Variants in CSMD1 observed in about 807,000 individuals in gnomAD.
CSMD1 encodes CUB and Sushi multiple domains 1, also known as CUB and sushi domain-containing protein 1.
CSMD1 carries 213 observed loss-of-function variants against 417.5 expected under a neutral mutation model. That is an observed-to-expected ratio of 0.51 (90% CI 0.46 to 0.57). The LOEUF is 0.57. Ranked by LOEUF, CSMD1 falls within the 20% of genes least tolerant of loss-of-function variation. CSMD1 has a pLI of 0.00. For missense variants in CSMD1, 6,923 were observed against 4,529.7 expected (o/e 1.53, Z -15.17); for synonymous variants, 2,862 against 1,736.8 (o/e 1.65, Z -16.11).
rs546225367 is a variant in CSMD1 at position 3,644,713 on chromosome 8, T to C, written c.1010-27916A>G. ...GCCAGTGAATGAGTTACAGGGTTTATTTGTGGGGCCTGTCAGGGGGGTGCA... is the reference window on the plus strand; with the variant it reads ...GCCAGTGAATGAGTTACAGGGTTTACTTGTGGGGCCTGTCAGGGGGGTGCA... On this transcript the variant is annotated intron_variant, in intron 7 of 69. Coordinates refer to ENST00000635120, the MANE Select transcript of CSMD1 (RefSeq NM_033225.6). Among the ~76,000 whole-genome samples, 4 of 152,188 alleles carry C rather than the reference T, an allele frequency of 2.6e-5. No homozygotes were observed. In the East Asian group the frequency reaches 5.8e-4, roughly 22 times the overall value.
intron 4 of CSMD1, among the ~76,000 whole-genome samples, chr8:4,024,186 TATAAC>T (rs375422098): frequency 8.0e-4 from 122 of 152,174 alleles, no homozygotes; most frequent in African/African-American, 2.6e-3. Flanking sequence ...AGTTCATAAA[TATAAC>T]AGATAGTAAG....
chr8:4,671,815 G>A lies in CSMD1; in HGVS notation c.86-34257C>T, dbSNP rs562518065. Among the ~76,000 whole-genome samples, 11 of 152,284 alleles carry A rather than the reference G, an allele frequency of 7.2e-5. No individual in the cohort carries two copies. In the South Asian group the frequency reaches 2.3e-3, roughly 32 times the overall value. Reference sequence around the variant, plus strand: ...GGAGGCTCTCAGCCTGAAGGAGCCAGCGAAAAACTTACGTTTGAGGAGTTT... The same window carrying A: ...GGAGGCTCTCAGCCTGAAGGAGCCAACGAAAAACTTACGTTTGAGGAGTTT... On this transcript the variant is annotated intron_variant, in intron 1 of 69. Coordinates refer to ENST00000635120, the MANE Select transcript of CSMD1 (RefSeq NM_033225.6).
At chr8:4,802,106 G>C (rs12680174) in intron 1 of CSMD1, among the ~76,000 whole-genome samples, 1 of 152,180 alleles carries the variant, frequency 6.6e-6, no homozygotes, top group East Asian at 1.9e-4. Flanking sequence ...AGTGTCCACA[G>C]ACAGTTTTAA....
intron 2 of CSMD1, among the ~76,000 whole-genome samples, chr8:4,423,355 A>G (rs1461354366): frequency 1.3e-5 from 2 of 152,120 alleles, no homozygotes; most frequent in East Asian, 3.8e-4. Flanking sequence ...ACTTGATATC[A>G]TCAAACGTGC....
intron 12 of CSMD1, among the ~76,000 whole-genome samples, chr8:3,430,994 A>T (rs1046801693): frequency 2.6e-5 from 4 of 152,304 alleles, no homozygotes; most frequent in African/African-American, 9.6e-5. Context: ...CTGAGCCCTT[A>T]AATCTCTCTT....
chr8:3,297,016 C>T (rs1038731704), intron 25 of CSMD1, among the ~76,000 whole-genome samples: 3 of 152,084 alleles, frequency 2.0e-5, no homozygotes, highest in African/African-American at 7.2e-5. Flanking sequence ...CTTCGAAGTT[C>T]TTAGGTGGAG....
At chr8:3,952,087 A>C (rs1811634809) in intron 5 of CSMD1, among the ~76,000 whole-genome samples, 1 of 152,290 alleles carries the variant, frequency 6.6e-6, no homozygotes, top group East Asian at 1.9e-4. Flanking sequence ...TAAAAATAAA[A>C]ATCTTTAAAT....
Position 4,387,570 on chromosome 8 carries a change from C to CAAAAAA in CSMD1, c.415+32377_415+32382dup, listed in dbSNP as rs540419006. Among the ~76,000 whole-genome samples, 316 of 37,150 alleles carry CAAAAAA rather than the reference C, an allele frequency of 8.5e-3. 19 individuals carry two copies. The highest frequency in any genetic ancestry group is 0.026 in the Middle Eastern group (1 of 38). The allele number at this position is 37,150 out of a possible 152,430, so 24.4% of individuals were successfully genotyped here. On this transcript the variant is annotated intron_variant, in intron 3 of 69. Transcript: ENST00000635120. ...GAAGAGATGCATAAATCCAAACTGG[C>CAAAAAA]AAAAAAAAAAAAAAAAAAAAAAGAG...
chr8:4,060,626 G>A (rs555579154), intron 3 of CSMD1, among the ~76,000 whole-genome samples: 1 of 152,258 alleles, frequency 6.6e-6, no homozygotes, highest in South Asian at 2.1e-4. Context: ...TAGCGATGGG[G>A]CTACTGGAGG....
At chr8:4,847,773 C>A (rs1335211605) in intron 1 of CSMD1, among the ~76,000 whole-genome samples, 4 of 142,252 alleles carry the variant, frequency 2.8e-5, no homozygotes, top group East Asian at 3.9e-4. Flanking sequence ...TCCTCTCTAT[C>A]GGGATTTTTT....
At chr8:4,484,163 T>A (rs1425813003) in intron 2 of CSMD1, among the ~76,000 whole-genome samples, 3 of 150,606 alleles carry the variant, frequency 2.0e-5, no homozygotes, top group Non-Finnish European at 2.9e-5. Context: ...CCGCTTCCCT[T>A]ATCAGTGGAG....
intron 9 of CSMD1, among the ~76,000 whole-genome samples, chr8:3,583,382 G>C (rs969076218): frequency 6.6e-6 from 1 of 151,958 alleles, no homozygotes; most frequent in Non-Finnish European, 1.5e-5. Flanking sequence ...GCCTCGAATA[G>C]ACTGCTAGTA....
intron 3 of CSMD1, among the ~76,000 whole-genome samples, chr8:4,103,098 T>G (rs533118828): frequency 6.6e-6 from 1 of 152,138 alleles, no homozygotes; most frequent in Admixed American, 6.6e-5. Context: ...GACAGTTCTA[T>G]AAAGTGGATT....
rs554582597 is a variant in CSMD1, at chr8:4,116,043, C to G, written c.416-83944G>C. Among the ~76,000 whole-genome samples, 8 of 151,376 alleles carry G rather than the reference C, an allele frequency of 5.3e-5. No individual in the cohort carries two copies. In the South Asian group the frequency reaches 1.5e-3, roughly 28 times the overall value. On this transcript the variant is annotated intron_variant, in intron 3 of 69. Transcript: ENST00000635120. ...GGAGAGGGAGTCTCACTCTGTCTCC[C>G]AGGCTAGATTGTAGTGGCAATCTTG...
At chr8:4,124,074 C>T (rs1355278563) in intron 3 of CSMD1, among the ~76,000 whole-genome samples, 1 of 151,800 alleles carries the variant, frequency 6.6e-6, no homozygotes, top group Admixed American at 6.6e-5. Context: ...CAGACTTCTA[C>T]GCACAGAACA....
intron 22 of CSMD1, among the ~76,000 whole-genome samples, chr8:3,347,136 C>A (rs573267363): frequency 6.6e-6 from 1 of 152,222 alleles, no homozygotes; most frequent in African/African-American, 2.4e-5. Flanking sequence ...TTGTGTTGGG[C>A]CACAGTCAAA....
At chr8:3,686,605 C>G (rs928176785) in intron 7 of CSMD1, among the ~76,000 whole-genome samples, 4 of 152,170 alleles carry the variant, frequency 2.6e-5, no homozygotes, top group African/African-American at 9.7e-5. Flanking sequence ...TTCTTATCAT[C>G]AAGCACAGAA....
intron 1 of CSMD1, among the ~76,000 whole-genome samples, chr8:4,651,241 G>C (rs1563069210): frequency 6.6e-6 from 1 of 152,142 alleles, no homozygotes; most frequent in Admixed American, 6.5e-5. Flanking sequence ...CAAACAGCAA[G>C]AGGACAGTTT....
intron 3 of CSMD1, among the ~76,000 whole-genome samples, chr8:4,145,609 A>T (rs957680806): frequency 6.6e-6 from 1 of 150,888 alleles, no homozygotes; most frequent in South Asian, 2.1e-4. Flanking sequence ...GGCTAGTGTC[A>T]AAGTCCTCGG....
Sources: gnomAD v4.1 joint callset for allele counts (sites outside exome capture counted in the v4.1 genomes callset) on GRCh38, gnomAD v4.1.1 for gene constraint, MANE v1.5 for transcripts, NCBI Gene and HGNC (gene_info 2026-07-23, HGNC 2026-07-21) for gene names.